The following ZNF438 variants were observed in gnomAD, a reference collection of about 807,000 sequenced individuals.
ZNF438 encodes zinc finger protein 438.
A neutral mutation model predicts 38.0 loss-of-function variants in ZNF438; 25 were observed. That is an observed-to-expected ratio of 0.66 (90% confidence interval 0.48 to 0.92). The LOEUF is 0.92. Ranked by LOEUF, ZNF438 falls within the 40% of genes least tolerant of loss-of-function variation. The pLI, the probability that ZNF438 is intolerant of heterozygous loss-of-function variation, is 0.00. For synonymous variants in ZNF438, 372 were observed against 364.1 expected (o/e 1.02, Z -0.25); for missense variants, 1,007 against 999.6 (o/e 1.01, Z -0.10).
In ZNF438 at chr10:31,020,412, C is replaced by T. The variant is rs192019398; in HGVS notation, c.-192+11421G>A. On this transcript the variant is annotated intron_variant, in intron 1 of 5. Transcript: ENST00000413025. ...TTACAAAAGCTGTTCATCAGAAATTCTCATTGGTTTACAAAAATAACATTG... is the reference window on the plus strand; with the variant it reads ...TTACAAAAGCTGTTCATCAGAAATTTTCATTGGTTTACAAAAATAACATTG... Among the ~76,000 whole-genome samples the T allele has an allele frequency of 9.5e-4, 144 of 152,232 alleles. 1 individual carries two copies. The highest frequency in any genetic ancestry group is 3.4e-3 in the African/African-American group (140 of 41,544).
chr10:30,999,202 C>T (rs1432690857), intron 1 of ZNF438: 1 of 152,180 alleles, frequency 6.6e-6, no homozygotes, highest in Non-Finnish European at 1.5e-5. Flanking sequence ...CTAGGCCAGT[C>T]CATAAAAGCC....
chr10:30,963,897 A>G (rs1382700632), intron 1 of ZNF438, among the ~76,000 whole-genome samples: 1 of 152,088 alleles, frequency 6.6e-6, no homozygotes, highest in African/African-American at 2.4e-5. Context: ...TTTTTTGCCA[A>G]TGAGATTGAA....
chr10:30,856,886 T>C (rs983959341), intron 4 of ZNF438, among the ~76,000 whole-genome samples: 12 of 152,160 alleles, frequency 7.9e-5, no homozygotes, highest in African/African-American at 2.7e-4. Context: ...ACATTTACAG[T>C]TGGTGAGAAA....
At chr10:31,002,767 T>C (rs1589678010) in intron 1 of ZNF438, among the ~76,000 whole-genome samples, 1 of 152,204 alleles carries the variant, frequency 6.6e-6, no homozygotes, top group Non-Finnish European at 1.5e-5. Flanking sequence ...AGCTAGAGCA[T>C]GTGTCCTTTG....
intron 1 of ZNF438, among the ~76,000 whole-genome samples, chr10:30,944,360 A>G (rs2047140129): frequency 6.6e-6 from 1 of 152,228 alleles, no homozygotes; most frequent in Non-Finnish European, 1.5e-5. Context: ...AACAAAACTG[A>G]CATTTTCGTT....
chr10:30,894,798 T>C (rs778809414), intron 3 of ZNF438, among the ~76,000 whole-genome samples: 1 of 152,228 alleles, frequency 6.6e-6, no homozygotes, highest in Non-Finnish European at 1.5e-5. Flanking sequence ...CATACACTCT[T>C]GCAGTTAGAA....
At chr10:30,942,294 C>G (rs2046899515) in intron 1 of ZNF438, among the ~76,000 whole-genome samples, 1 of 152,102 alleles carries the variant, frequency 6.6e-6, no homozygotes, top group East Asian at 1.9e-4. Flanking sequence ...TTATTTTATA[C>G]ATAAAGAGGC....
chr10:30,954,128 GC>G (rs892807851), intron 1 of ZNF438, among the ~76,000 whole-genome samples: 93 of 152,232 alleles, frequency 6.1e-4, no homozygotes, highest in African/African-American at 2.0e-3. Context: ...AGGCGACAGT[GC>G]GAGACTGTTT....
chr10:30,943,849 T>C (rs2135561283), intron 1 of ZNF438, among the ~76,000 whole-genome samples: 1 of 138,402 alleles, frequency 7.2e-6, no homozygotes, highest in East Asian at 2.0e-4. Flanking sequence ...ATGCTTTTTC[T>C]TGAGATGGTA....
At chr10:30,849,805 A>G in exon 5 of ZNF438, 1 of 1,614,154 alleles carries the variant, frequency 6.2e-7, no homozygotes, top group Non-Finnish European at 8.5e-7. Context: ...TCAAGTCCCC[A>G]TGGTCACTTC....
At chr10:30,874,325 T>A (rs1377847510) in intron 4 of ZNF438, among the ~76,000 whole-genome samples, 2 of 151,636 alleles carry the variant, frequency 1.3e-5, no homozygotes, top group African/African-American at 4.8e-5. Context: ...ATTTTGAAAT[T>A]TTTTTGTAGA....
At chr10:30,897,745 T>C (rs1313896430) in intron 3 of ZNF438, among the ~76,000 whole-genome samples, 2 of 152,168 alleles carry the variant, frequency 1.3e-5, no homozygotes, top group Non-Finnish European at 2.9e-5. Flanking sequence ...GGGTCTGTAC[T>C]CACAACACTG....
intron 4 of ZNF438, among the ~76,000 whole-genome samples, chr10:30,852,154 G>A (rs1310679365): frequency 7.2e-5 from 11 of 151,754 alleles, no homozygotes; most frequent in East Asian, 1.9e-4. Flanking sequence ...CAGTCTGAGC[G>A]AGACTCCGTC....
At chr10:31,002,088 G>A (rs2054716371) in intron 1 of ZNF438, among the ~76,000 whole-genome samples, 1 of 152,228 alleles carries the variant, frequency 6.6e-6, no homozygotes. Context: ...GGCAGTGGCT[G>A]GGAGTAGCAC....
intron 3 of ZNF438, among the ~76,000 whole-genome samples, chr10:30,908,005 C>T (rs2042743793): frequency 6.6e-6 from 1 of 151,994 alleles, no homozygotes; most frequent in Admixed American, 6.6e-5. Flanking sequence ...AAAGTTGCAG[C>T]CCATAAATTT....
intron 1 of ZNF438, among the ~76,000 whole-genome samples, chr10:31,006,965 C>A (rs1031376392): frequency 9.9e-5 from 15 of 152,050 alleles, no homozygotes; most frequent in African/African-American, 2.4e-5. Context: ...TCTGCATTAT[C>A]CAGATGGGCC....
At chr10:30,987,183 G>T (rs577907632) in intron 1 of ZNF438, among the ~76,000 whole-genome samples, 2 of 152,172 alleles carry the variant, frequency 1.3e-5, no homozygotes, top group East Asian at 3.9e-4. Flanking sequence ...GGCTGGGTGT[G>T]GTGGCTCACA....
At chr10:30,957,294 C>A (rs916956172) in intron 1 of ZNF438, among the ~76,000 whole-genome samples, 1 of 152,274 alleles carries the variant, frequency 6.6e-6, no homozygotes, top group East Asian at 1.9e-4. Flanking sequence ...TGGATGTTAA[C>A]CCCTTGTCAG....
chr10:30,865,943 A>T (rs973616218), intron 4 of ZNF438, among the ~76,000 whole-genome samples: 3 of 152,176 alleles, frequency 2.0e-5, no homozygotes, highest in Non-Finnish European at 4.4e-5. Flanking sequence ...TACTCTTTTC[A>T]TACTCATATC....
Sources: gnomAD v4.1 joint callset for allele counts (sites outside exome capture counted in the v4.1 genomes callset) on GRCh38, gnomAD v4.1.1 for gene constraint, MANE v1.5 for transcripts, NCBI Gene and HGNC (gene_info 2026-07-23, HGNC 2026-07-21) for gene names.